ZBTB20: variants seen among roughly 807,000 people sequenced by gnomAD.
ZBTB20 encodes the protein zinc finger and BTB domain containing 20, also known as zinc finger and BTB domain-containing protein 20.
In ZBTB20, 9 loss-of-function variants were observed where a neutral mutation model predicts 56.9. The ratio of observed to expected loss-of-function variants is 0.16; its 90% confidence interval spans 0.10 to 0.28. The LOEUF (loss-of-function observed/expected upper bound fraction) is 0.28, where lower values mean the gene tolerates loss of function less well. Among genes scored for constraint, ZBTB20 ranks in the 10% least tolerant of loss-of-function variants. The pLI is 1.00. For missense variants in ZBTB20, 655 were observed against 1,003.0 expected (o/e 0.65, Z 4.69); for synonymous variants, 417 against 420.7 (o/e 0.99, Z 0.11).
chr3:114,472,005 TA>T (rs2040185742), intron 7 of ZBTB20, among the ~76,000 whole-genome samples: 1 of 152,118 alleles, frequency 6.6e-6, no homozygotes, highest in South Asian at 2.1e-4. Context: ...CAAGCAAGGA[TA>T]AAAAGGATTT....
chr3:115,033,862 T>C (rs1275295726), intron 2 of ZBTB20, among the ~76,000 whole-genome samples: 4 of 151,676 alleles, frequency 2.6e-5, no homozygotes, highest in African/African-American at 4.8e-5. Context: ...TAACAAATTA[T>C]AGCAAACCAA....
At chr3:114,792,647 A>C (rs2071044725) in intron 5 of ZBTB20, among the ~76,000 whole-genome samples, 1 of 152,134 alleles carries the variant, frequency 6.6e-6, no homozygotes, top group South Asian at 2.1e-4. Flanking sequence ...ACCTCTTCAG[A>C]AATGGGGGTG....
intron 3 of ZBTB20, among the ~76,000 whole-genome samples, chr3:114,923,424 T>A (rs142637685): frequency 6.6e-6 from 1 of 152,282 alleles, no homozygotes; most frequent in East Asian, 1.9e-4. Context: ...TGCACACTTG[T>A]ATGGTTAACT....
chr3:115,021,329 A>T (rs1288924816), intron 2 of ZBTB20, among the ~76,000 whole-genome samples: 1 of 150,906 alleles, frequency 6.6e-6, no homozygotes, highest in Non-Finnish European at 1.5e-5. Flanking sequence ...AAGCTTACTT[A>T]CTGAAAACGC....
intron 7 of ZBTB20, among the ~76,000 whole-genome samples, chr3:114,392,395 A>G (rs890685819): frequency 6.6e-6 from 1 of 152,226 alleles, no homozygotes; most frequent in Non-Finnish European, 1.5e-5. Context: ...TACCCCAGAA[A>G]TATATACACC....
intron 7 of ZBTB20, among the ~76,000 whole-genome samples, chr3:114,407,316 C>T (rs1167101337): frequency 1.1e-4 from 16 of 152,150 alleles, no homozygotes. Context: ...GGTTGTAACT[C>T]AGAGATCTGA....
At chr3:114,542,604 A>C (rs1320664343) in intron 6 of ZBTB20, among the ~76,000 whole-genome samples, 1 of 152,188 alleles carries the variant, frequency 6.6e-6, no homozygotes, top group Non-Finnish European at 1.5e-5. Context: ...ATTTGAAAGC[A>C]GCTAAGTTAC....
intron 4 of ZBTB20, among the ~76,000 whole-genome samples, chr3:114,887,633 G>A (rs546909304): frequency 6.6e-6 from 1 of 152,268 alleles, no homozygotes; most frequent in South Asian, 2.1e-4. Context: ...AAGAGCCAGG[G>A]AAAGATTTTC....
chr3:114,844,519 T>TAAAAAA (rs2074563207), intron 4 of ZBTB20, among the ~76,000 whole-genome samples: 3 of 896 alleles, frequency 3.3e-3, no homozygotes, highest in Non-Finnish European at 0.015. Flanking sequence ...AGTCCCTGTC[T>TAAAAAA]CAAAAAAAAA....
chr3:114,774,895 C>CTTT (rs2108753285), intron 5 of ZBTB20, among the ~76,000 whole-genome samples: 1 of 151,888 alleles, frequency 6.6e-6, no homozygotes, highest in South Asian at 2.1e-4. Context: ...TATTAAAAGC[C>CTTT]TTTGTTAGTG....
rs563357876 is a variant in ZBTB20 at position 114,781,958 on chromosome 3, T to C, written c.-343+19143A>G. 1.4e-4 allele frequency among the ~76,000 whole-genome samples: 21 copies of C among 152,320 alleles called. No homozygotes were observed. The East Asian group carries it at 4.1e-3, about 29-fold the overall frequency. On this transcript the variant is annotated intron_variant, in intron 5 of 11. Transcript: ENST00000675478. The stretch of plus-strand genomic sequence containing the variant: ...TGAGTCCATTAAACCTTTTTTTCTT[T>C]ATAAATTACCCAGTCTTGCATGTCT...
chr3:114,448,450 G>C (rs2091405927), intron 7 of ZBTB20, among the ~76,000 whole-genome samples: 1 of 152,088 alleles, frequency 6.6e-6, no homozygotes, highest in Non-Finnish European at 1.5e-5. Flanking sequence ...GGGTGGTACA[G>C]TGAGGGCAAA....
chr3:114,763,059 A>C (rs2068545950), intron 5 of ZBTB20, among the ~76,000 whole-genome samples: 1 of 152,152 alleles, frequency 6.6e-6, no homozygotes, highest in Non-Finnish European at 1.5e-5. Context: ...GACACCTTAA[A>C]ATGTTTTACT....
intron 3 of ZBTB20, among the ~76,000 whole-genome samples, chr3:114,952,085 C>T (rs960102540): frequency 1.3e-5 from 2 of 152,020 alleles, no homozygotes; most frequent in African/African-American, 4.8e-5. Flanking sequence ...AACAAGAAGT[C>T]TAGCATTCAT....
At chr3:114,989,411 T>C (rs1288199235) in intron 2 of ZBTB20, among the ~76,000 whole-genome samples, 2 of 152,178 alleles carry the variant, frequency 1.3e-5, no homozygotes. Flanking sequence ...CAGATGGTTG[T>C]AGATGTGTGG....
intron 4 of ZBTB20, among the ~76,000 whole-genome samples, chr3:114,883,916 C>CCTTTTTTTTT (rs1223732179): frequency 0.06 from 5,379 of 89,782 alleles, 2,230 homozygotes; most frequent in East Asian, 0.21. Flanking sequence ...ATGGTGTGTT[C>CCTTTTTTTTT]TTTTTTTTTT....
At chr3:114,888,047 A>G (rs1447255707) in intron 4 of ZBTB20, among the ~76,000 whole-genome samples, 1 of 151,812 alleles carries the variant, frequency 6.6e-6, no homozygotes, top group Non-Finnish European at 1.5e-5. Context: ...TTCTGATCCA[A>G]TCCTTTCAAG....
chr3:114,534,992 T>C (rs916022561), intron 6 of ZBTB20, among the ~76,000 whole-genome samples: 1 of 152,122 alleles, frequency 6.6e-6, no homozygotes, highest in African/African-American at 2.4e-5. Flanking sequence ...GCTAAACTAA[T>C]ATTTAGAGGG....
Position 114,325,826 on chromosome 3 carries a change from T to G in ZBTB20, c.*13179A>C, listed in dbSNP as rs1434357863. 1 of 152,212 alleles carries G rather than the reference T, an allele frequency of 6.6e-6. No homozygotes were observed. Among genetic ancestry groups the G allele is most frequent in the African/African-American group, 2.4e-5 (1 of 41,456 alleles). The allele number at this position is 152,212 out of a possible 1,614,324, so 9.4% of individuals were successfully genotyped here. On this transcript the variant is annotated 3_prime_UTR_variant, in exon 12 of 12. Coordinates refer to ENST00000675478, the MANE Select transcript of ZBTB20 (RefSeq NM_001348800.3). ...TTGTCAGGCTATCTGTTAATCGAGT[T>G]GAGTTGAAAACAGTATGCTTTCAAA...
Sources: gnomAD v4.1 joint callset for allele counts (sites outside exome capture counted in the v4.1 genomes callset) on GRCh38, gnomAD v4.1.1 for gene constraint, MANE v1.5 for transcripts, NCBI Gene and HGNC (gene_info 2026-07-23, HGNC 2026-07-21) for gene names.